Variants in MUC15 observed in about 807,000 individuals in gnomAD.
The protein encoded by MUC15 is mucin 15, cell surface associated.
Under a neutral mutation model 24.0 loss-of-function variants are expected in MUC15, and 23 were observed. That is an observed-to-expected ratio of 0.96 (90% confidence interval 0.69 to 1.36). The LOEUF is 1.36. Ranked by LOEUF, MUC15 falls within the 40% of genes most tolerant of loss-of-function variation. The probability of loss-of-function intolerance (pLI) is 0.00; values close to 1 mark genes in which losing one functional copy is unlikely to be tolerated. For missense variants in MUC15, 442 were observed against 428.2 expected (o/e 1.03, Z -0.29); for synonymous variants, 151 against 156.3 (o/e 0.97, Z 0.25).
In MUC15 at chr11:26,565,724, T is replaced by C. The variant is rs1240554451; in HGVS notation, c.216A>G (p.Lys72=). Residue 72 remains lysine (K), a synonymous_variant, in exon 3 of 5, where the codon AAA becomes AAG. Coordinates refer to ENST00000529533, the MANE Select transcript of MUC15 (RefSeq NM_001135091.2). ...TTGCTTCACTTTCCAAAGAAATAGG[T>C]TTATTTTCCATTGTTTTAAAAACTT... is the stretch of plus-strand genomic sequence containing the variant. ...IAEVFKTMEN[K]PISLESEANL... 1 of 1,605,980 alleles carries C rather than the reference T, an allele frequency of 6.2e-7. No homozygotes were observed.
chr11:26,568,483 T>G (rs1590557631), intron 1 of MUC15, among the ~76,000 whole-genome samples: 1 of 149,664 alleles, frequency 6.7e-6, no homozygotes, highest in Non-Finnish European at 1.5e-5. Flanking sequence ...TTTTTTTTTT[T>G]AATACAGCCT....
At chr11:26,566,095 C>G (rs1052052946) in intron 2 of MUC15, among the ~76,000 whole-genome samples, 199 bp from the exon 3 acceptor site, 1 of 151,874 alleles carries the variant, frequency 6.6e-6, no homozygotes, top group Non-Finnish European at 1.5e-5. Context: ...AATCTTTCTT[C>G]CTTCCTTGCT....
Position 26,565,731 on chromosome 11 carries a change from T to G in MUC15, c.209A>C (p.Glu70Ala). The G allele has an allele frequency of 1.2e-6, 2 of 1,613,358 alleles. No homozygotes were observed. The highest frequency in any genetic ancestry group is 1.7e-6 in the Non-Finnish European group (2 of 1,179,562). ...ACTTTCCAAAGAAATAGGTTTATTT[T>G]CCATTGTTTTAAAAACTTCTGCAAT... ...QNIAEVFKTM[E>A]NKPISLESEA... Residue 70 changes from glutamate (E) to alanine (A), a missense_variant, in exon 3 of 5, where the codon GAA (glutamate) becomes GCA (alanine). Coordinates refer to ENST00000529533, the MANE Select transcript of MUC15 (RefSeq NM_001135091.2).
At position 26,572,031 on chromosome 11, in the gene MUC15, G is replaced by A. The variant is rs543172695; in HGVS notation, c.-46+10C>T. On this transcript the variant is annotated intron_variant, in intron 1 of 4. Transcript: ENST00000529533. Reference sequence around the variant, plus strand: ...AAGCGAGAGACCTAAGTGACCCAACGCACACTTACCTTCAGGCTTAGGAGG... The same window carrying A: ...AAGCGAGAGACCTAAGTGACCCAACACACACTTACCTTCAGGCTTAGGAGG... The A allele has an allele frequency of 2.9e-4, 282 of 964,892 alleles. 1 individual carries two copies. Among genetic ancestry groups the A allele is most frequent in the Middle Eastern group, 1.6e-3 (3 of 1,872 alleles). The allele number at this position is 964,892 out of a possible 1,614,324, so 59.8% of individuals were successfully genotyped here. A position where few individuals can be genotyped will look rare whatever the true frequency, so the allele number is the denominator to read the frequency against.
intron 3 of MUC15, among the ~76,000 whole-genome samples, chr11:26,563,829 G>C (rs1489530600): frequency 2.6e-5 from 4 of 151,778 alleles, no homozygotes; most frequent in African/African-American, 9.7e-5. Context: ...TGCATATCAA[G>C]AACAGTTGTC....
chr11:26,567,270 A>C, intron 1 of MUC15, 131 bp from the exon 2 acceptor site: 1 of 498,890 alleles, frequency 2.0e-6, no homozygotes, highest in Non-Finnish European at 3.3e-6. Flanking sequence ...CAAGCAATAA[A>C]ATCTGAGTAC....
chr11:26,560,815 C>G lies in MUC15; in HGVS notation c.*250G>C. On this transcript the variant is annotated 3_prime_UTR_variant, in exon 5 of 5. Coordinates refer to ENST00000529533, the MANE Select transcript of MUC15 (RefSeq NM_001135091.2). ...TATCTGATTCCACAAATATTTTCTACTAAGAAAATACTACTAAAATACAAA... is the reference window on the plus strand; with the variant it reads ...TATCTGATTCCACAAATATTTTCTAGTAAGAAAATACTACTAAAATACAAA... The G allele has an allele frequency of 2.9e-6, 1 of 343,488 alleles. No homozygotes were observed. 21.3% of individuals were successfully genotyped at this position (343,488 alleles called of 1,614,324 possible).
Position 26,559,173 on chromosome 11 carries a change from T to C in MUC15, c.*1892A>G, listed in dbSNP as rs1162237586. ...ACTTTGTTTCATAAGTGTTCAGTGATTTATGAAACTTTTAAAACAAATTAA... is the reference window on the plus strand; with the variant it reads ...ACTTTGTTTCATAAGTGTTCAGTGACTTATGAAACTTTTAAAACAAATTAA... On this transcript the variant is annotated 3_prime_UTR_variant, in exon 5 of 5. Transcript: ENST00000529533. 1 of 152,370 alleles carries C rather than the reference T, an allele frequency of 6.6e-6. No homozygotes were observed. The highest frequency in any genetic ancestry group is 6.5e-5 in the Admixed American group (1 of 15,314). 9.4% of individuals were successfully genotyped at this position (152,370 alleles called of 1,614,324 possible). A position where few individuals can be genotyped will look rare whatever the true frequency, so the allele number is the denominator to read the frequency against.
chr11:26,566,553 C>T (rs1490713708), intron 2 of MUC15, among the ~76,000 whole-genome samples: 1 of 151,850 alleles, frequency 6.6e-6, no homozygotes, highest in Non-Finnish European at 1.5e-5. Flanking sequence ...CTTCTTGCTA[C>T]TTAATCCCAA....
At position 26,559,237 on chromosome 11, in the gene MUC15, A is replaced by G. The variant is rs1850185842; in HGVS notation, c.*1828T>C. ...ACATCTTATAGCCATTATTGGACCCATTCTACATTTTGAAAGACTAAGAGA... is the reference window on the plus strand; with the variant it reads ...ACATCTTATAGCCATTATTGGACCCGTTCTACATTTTGAAAGACTAAGAGA... On this transcript the variant is annotated 3_prime_UTR_variant, in exon 5 of 5. Coordinates refer to ENST00000529533, the MANE Select transcript of MUC15 (RefSeq NM_001135091.2). The G allele has an allele frequency of 6.5e-6, 1 of 153,882 alleles. No homozygotes were observed. The highest frequency in any genetic ancestry group is 2.4e-5 in the African/African-American group (1 of 41,470). 9.5% of individuals were successfully genotyped at this position (153,882 alleles called of 1,614,324 possible). A position where few individuals can be genotyped will look rare whatever the true frequency, so the allele number is the denominator to read the frequency against.
Position 26,565,701 on chromosome 11 carries a change from G to C in MUC15, c.239C>G (p.Ala80Gly). Residue 80 changes from alanine (A) to glycine (G), a missense_variant, in exon 3 of 5, where the codon GCA becomes GGA. Coordinates refer to ENST00000529533, the MANE Select transcript of MUC15 (RefSeq NM_001135091.2). The part of the protein sequence containing the change: ...ENKPISLESE[A>G]NLNSDKENIT... The stretch of plus-strand genomic sequence containing the variant: ...ATTTTCTTTATCTGAGTTTAAGTTT[G>C]CTTCACTTTCCAAAGAAATAGGTTT... 6.2e-7 allele frequency: 1 copy of C among 1,612,978 alleles called. No homozygotes were observed. The highest frequency in any genetic ancestry group is 8.5e-7 in the Non-Finnish European group (1 of 1,179,294).
In MUC15 at chr11:26,563,233, T is replaced by C. The variant is rs367760364; in HGVS notation, c.808A>G (p.Ile270Val). Residue 270 changes from isoleucine (I) to valine (V), a missense_variant, in exon 4 of 5, where the codon ATT (isoleucine) becomes GTT (valine). Transcript: ENST00000529533. ...NRNTGIVFGAILGAILGVSLL... is the reference protein window; with the variant it reads ...NRNTGIVFGAVLGAILGVSLL... ...GAGACACCCAGAATAGCACCTAAAA[T>C]GGCCCCGAATACTATTCCTGTATTT... 2.5e-6 allele frequency: 4 copies of C among 1,610,270 alleles called. No individual in the cohort carries two copies. The highest frequency in any genetic ancestry group is 2.7e-5 in the African/African-American group (2 of 74,672).
At chr11:26,563,590 C>T (rs540656971) in intron 3 of MUC15, among the ~76,000 whole-genome samples, 10 of 151,992 alleles carry the variant, frequency 6.6e-5, no homozygotes, top group Admixed American at 6.6e-4. Context: ...ATGCCATGTG[C>T]ATACTCCATT....
chr11:26,568,881 A>G (rs986454429), intron 1 of MUC15, among the ~76,000 whole-genome samples: 2 of 152,016 alleles, frequency 1.3e-5, no homozygotes, highest in Admixed American at 6.6e-5. Flanking sequence ...TTCATTATCT[A>G]CGGCATGTGA....
intron 3 of MUC15, among the ~76,000 whole-genome samples, chr11:26,563,970 T>C (rs1444481848): frequency 6.6e-6 from 1 of 151,872 alleles, no homozygotes; most frequent in African/African-American, 2.4e-5. Context: ...TCTTTTTTTC[T>C]TCTCTTTTTT....
chr11:26,566,051 T>A (rs1253607566), intron 2 of MUC15, among the ~76,000 whole-genome samples, 155 bp from the exon 3 acceptor site: 1 of 151,978 alleles, frequency 6.6e-6, no homozygotes, highest in East Asian at 1.9e-4. Context: ...GATTATGTAC[T>A]TAAATTAGTG....
intron 2 of MUC15, 115 bp downstream of exon 2, chr11:26,566,937 G>C: frequency 2.1e-6 from 2 of 943,838 alleles, no homozygotes; most frequent in Non-Finnish European, 2.9e-6. Flanking sequence ...ACAAGATCTA[G>C]CCTAAAGTAA....
chr11:26,562,770 G>T (rs2134254134), intron 4 of MUC15, among the ~76,000 whole-genome samples: 1 of 151,960 alleles, frequency 6.6e-6, no homozygotes, highest in South Asian at 2.1e-4. Context: ...ACAATGGCAA[G>T]GAATAGCTTT....
chr11:26,564,551 C>A (rs1487102564), intron 3 of MUC15, among the ~76,000 whole-genome samples: 4 of 147,976 alleles, frequency 2.7e-5, no homozygotes, highest in African/African-American at 9.9e-5. Context: ...TTTTATGTTT[C>A]AAATGGAAAA....
Sources: allele counts gnomAD v4.1 joint callset (sites outside exome capture counted in the v4.1 genomes callset), GRCh38; gene constraint gnomAD v4.1.1; transcripts MANE v1.5; gene names NCBI Gene and HGNC (gene_info 2026-07-23, HGNC 2026-07-21).